The following GNAL variants were observed in gnomAD, a reference collection of about 807,000 sequenced individuals.
GNAL encodes the protein guanine nucleotide-binding protein G(olf) subunit alpha.
A neutral mutation model predicts 55.1 loss-of-function variants in GNAL; 18 were observed. The ratio of observed to expected loss-of-function variants is 0.33; its 90% CI spans 0.23 to 0.48. The LOEUF is 0.48. Among genes scored for constraint, GNAL ranks in the 20% least tolerant of loss-of-function variants. GNAL has a pLI of 0.99. For synonymous variants in GNAL, 253 were observed against 237.0 expected (o/e 1.07, Z -0.62); for missense variants, 412 against 614.1 (o/e 0.67, Z 3.48).
chr18:11,734,390 C>T (rs1464169317), intron 1 of GNAL, among the ~76,000 whole-genome samples: 1 of 152,034 alleles, frequency 6.6e-6, no homozygotes, highest in Non-Finnish European at 1.5e-5. Context: ...ATCCACCCGC[C>T]TTGGCCTTCC....
intron 4 of GNAL, among the ~76,000 whole-genome samples, chr18:11,785,611 C>T (rs1376352448): frequency 6.6e-6 from 1 of 152,206 alleles, no homozygotes; most frequent in Admixed American, 6.5e-5. Flanking sequence ...GTTTTCTTCT[C>T]TTTAGCTTAC....
chr18:11,747,490 CCCAGTACCGCAT>C (rs2032714332), intron 1 of GNAL: 1 of 158,508 alleles, frequency 6.3e-6, no homozygotes, highest in Non-Finnish European at 1.4e-5. Flanking sequence ...CAGTGGCTGA[CCCAGTACCGCAT>C]GCCCACATGG....
chr18:11,863,557 T>A (rs150951015), intron 6 of GNAL, among the ~76,000 whole-genome samples: 2 of 152,262 alleles, frequency 1.3e-5, no homozygotes, highest in African/African-American at 4.8e-5. Flanking sequence ...CCTAAACAGT[T>A]CTCGTTATAC....
intron 4 of GNAL, among the ~76,000 whole-genome samples, chr18:11,759,440 C>T (rs1327509236): frequency 2.0e-5 from 3 of 152,236 alleles, no homozygotes; most frequent in African/African-American, 2.4e-5. Context: ...TTGCCATTAC[C>T]ACCTGGTGTT....
intron 1 of GNAL, among the ~76,000 whole-genome samples, chr18:11,718,919 A>G (rs1190185515): frequency 6.6e-6 from 1 of 152,044 alleles, no homozygotes; most frequent in Admixed American, 6.6e-5. Flanking sequence ...AGTTGTTTCC[A>G]TTTTTAAAGC....
At chr18:11,736,359 C>T (rs1042542409) in intron 1 of GNAL, among the ~76,000 whole-genome samples, 6 of 152,174 alleles carry the variant, frequency 3.9e-5, no homozygotes, top group East Asian at 3.8e-4. Flanking sequence ...CACACCACTG[C>T]GTTCCAGCCT....
chr18:11,697,215 G>T (rs1419830322), intron 1 of GNAL, among the ~76,000 whole-genome samples: 1 of 152,230 alleles, frequency 6.6e-6, no homozygotes, highest in Non-Finnish European at 1.5e-5. Context: ...TGTGAGGCCA[G>T]CTGGAGGCAG....
intron 1 of GNAL, among the ~76,000 whole-genome samples, chr18:11,718,334 A>G (rs75099067): frequency 0.017 from 2,562 of 152,300 alleles, 56 homozygotes; most frequent in African/African-American, 0.052. Context: ...AAGGTTAGAT[A>G]TTGACATTTG....
intron 1 of GNAL, among the ~76,000 whole-genome samples, chr18:11,738,183 G>C (rs571435176): frequency 6.6e-6 from 1 of 152,088 alleles, no homozygotes; most frequent in East Asian, 1.9e-4. Context: ...TCTGGCTGCC[G>C]GGCTCCCAAC....
Position 11,752,267 on chromosome 18 carries a change from AG to A in GNAL, c.377-583del. The stretch of plus-strand genomic sequence containing the variant: ...TTGGGAGTTTGCGGTGGGCAGGGGG[AG>A]GGAGAAGAAACGCCTGCTCTGAATC... On this transcript the variant is annotated intron_variant, in intron 1 of 11. Coordinates refer to ENST00000334049, the MANE Select transcript of GNAL (RefSeq NM_182978.4). The surrounding 1 kb of genome is among the most constrained non-coding windows in gnomAD (Gnocchi z 4.5). 7.4e-7 allele frequency: 1 copy of A among 1,344,256 alleles called. No homozygotes were observed. Among genetic ancestry groups the A allele is most frequent in the Non-Finnish European group, 9.6e-7 (1 of 1,037,504 alleles). 83.3% of individuals were successfully genotyped at this position (1,344,256 alleles called of 1,614,324 possible).
chr18:11,879,632 G>C (rs1390713638), intron 11 of GNAL, among the ~76,000 whole-genome samples: 1 of 152,088 alleles, frequency 6.6e-6, no homozygotes, highest in African/African-American at 2.4e-5. Flanking sequence ...TCCAAATATA[G>C]TCACATCTGA....
At chr18:11,712,936 G>A (rs2031872181) in intron 1 of GNAL, among the ~76,000 whole-genome samples, 1 of 152,192 alleles carries the variant, frequency 6.6e-6, no homozygotes, top group African/African-American at 2.4e-5. Context: ...AGAAAAAGAA[G>A]GAGAGAGAAG....
Position 11,751,694 on chromosome 18 carries a change from G to A in GNAL, c.377-1159G>A. 1.0e-6 allele frequency: 1 copy of A among 983,636 alleles called. No homozygotes were observed. The highest frequency in any genetic ancestry group is 1.2e-6 in the Non-Finnish European group (1 of 828,306). The allele number at this position is 983,636 out of a possible 1,614,324, so 60.9% of individuals were successfully genotyped here. On this transcript the variant is annotated intron_variant, in intron 1 of 11. Transcript: ENST00000334049. The surrounding 1 kb of genome is among the most constrained non-coding windows in gnomAD (Gnocchi z 4.5). ...GGAGGGGCTGCGGGCCCGGAACCCA[G>A]GCCGGTCAGCGTGTAAGCGCCCCAG... is the stretch of plus-strand genomic sequence containing the variant.
At chr18:11,877,733 C>G (rs1421472282) in intron 11 of GNAL, among the ~76,000 whole-genome samples, 5 of 151,092 alleles carry the variant, frequency 3.3e-5, no homozygotes, top group Admixed American at 2.6e-4. Context: ...TCCACGGGGA[C>G]CGGCACTCCA....
rs574137713 is a variant in GNAL, at chr18:11,872,703, T to C, written c.1162+305T>C. ...TCCCTCTAGTGCCTTTGGCTGGGTG[T>C]GACATGACAGGTGCCTTGTTAGTCC... is the stretch of plus-strand genomic sequence containing the variant. On this transcript the variant is annotated intron_variant, in intron 10 of 11. Coordinates refer to ENST00000334049, the MANE Select transcript of GNAL (RefSeq NM_182978.4). Among the ~76,000 whole-genome samples, 3 of 152,326 alleles carry C rather than the reference T, an allele frequency of 2.0e-5. No homozygotes were observed. In the South Asian group the frequency reaches 6.2e-4, roughly 32 times the overall value.
At chr18:11,759,500 A>T (rs940225874) in intron 4 of GNAL, among the ~76,000 whole-genome samples, 6 of 152,236 alleles carry the variant, frequency 3.9e-5, no homozygotes, top group African/African-American at 1.4e-4. Context: ...CCTTCCTCCC[A>T]GGTGAGAGCT....
At position 11,881,909 on chromosome 18, in the gene GNAL, A is replaced by ATCTT. The variant is rs1452049219; in HGVS notation, c.*776_*779dup. 2.0e-5 allele frequency: 3 copies of ATCTT among 152,724 alleles called. No individual in the cohort carries two copies. Among genetic ancestry groups the ATCTT allele is most frequent in the Admixed American group, 2.0e-4 (3 of 15,300 alleles). 9.5% of individuals were successfully genotyped at this position (152,724 alleles called of 1,614,324 possible). A position where few individuals can be genotyped will look rare whatever the true frequency, so the allele number is the denominator to read the frequency against. On this transcript the variant is annotated 3_prime_UTR_variant, in exon 12 of 12. Coordinates refer to ENST00000334049, the MANE Select transcript of GNAL (RefSeq NM_182978.4). The surrounding 1 kb of genome is among the most constrained non-coding windows in gnomAD (Gnocchi z 4.8). ...AACTACTAAAGAAAAATCCTTGTAG[A>ATCTT]TCTTTGTGCCTTCACCATGGCTATC... is the stretch of plus-strand genomic sequence containing the variant.
chr18:11,850,737 C>T (rs570897084), intron 5 of GNAL, among the ~76,000 whole-genome samples: 17 of 152,214 alleles, frequency 1.1e-4, no homozygotes, highest in Admixed American at 6.5e-4. Flanking sequence ...TACTAAACCA[C>T]GGGACGATTT....
At chr18:11,793,996 A>C (rs2034310142) in intron 4 of GNAL, among the ~76,000 whole-genome samples, 1 of 152,156 alleles carries the variant, frequency 6.6e-6, no homozygotes, top group Non-Finnish European at 1.5e-5. Context: ...ACATGAAAAG[A>C]TGTTCAACAT....
Sources: allele counts gnomAD v4.1 joint callset (sites outside exome capture counted in the v4.1 genomes callset), GRCh38; gene constraint gnomAD v4.1.1; non-coding constraint Gnocchi (gnomAD v3.1); transcripts MANE v1.5; gene names NCBI Gene and HGNC (gene_info 2026-07-23, HGNC 2026-07-21).